The following PLCH1 variants were observed in gnomAD, a reference collection of about 807,000 sequenced individuals.
The protein encoded by PLCH1 is phospholipase C eta 1, also known as 1-phosphatidylinositol 4,5-bisphosphate phosphodiesterase eta-1.
PLCH1 carries 60 observed loss-of-function variants against 126.7 expected under a neutral mutation model. The observed-to-expected ratio is 0.47, with a 90% CI of 0.38 to 0.59. PLCH1 has a LOEUF of 0.59. Among genes scored for constraint, PLCH1 ranks in the 20% least tolerant of loss-of-function variants. The pLI, the probability that PLCH1 is intolerant of heterozygous loss-of-function variation, is 0.00. For synonymous variants in PLCH1, 719 were observed against 734.9 expected (o/e 0.98, Z 0.35); for missense variants, 1,723 against 2,040.0 (o/e 0.84, Z 2.99).
At position 155,568,335 on chromosome 3, in the gene PLCH1, C is replaced by A. The variant is rs367604908; in HGVS notation, c.772-11G>T. On this transcript the variant is annotated splice_polypyrimidine_tract_variant and intron_variant, in intron 6 of 22. Transcript: ENST00000460012. ...TGTCACATTATTCATCTAAGAAAAACAGAATACTAGTAGAGTACCTGCAAT... is the reference window on the plus strand; with the variant it reads ...TGTCACATTATTCATCTAAGAAAAAAAGAATACTAGTAGAGTACCTGCAAT... 267 of 1,155,288 alleles carry A rather than the reference C, an allele frequency of 2.3e-4. No individual in the cohort carries two copies. Among genetic ancestry groups the A allele is most frequent in the Admixed American group, 2.2e-4 (12 of 55,486 alleles). 71.6% of individuals were successfully genotyped at this position (1,155,288 alleles called of 1,614,324 possible).
At chr3:155,519,686 G>A (rs992051787) in intron 11 of PLCH1, among the ~76,000 whole-genome samples, 6 of 150,654 alleles carry the variant, frequency 4.0e-5, no homozygotes, top group African/African-American at 9.8e-5. Flanking sequence ...CAGACACTGC[G>A]GTTTTTGAAA....
At chr3:155,563,316 A>G (rs550079344) in intron 8 of PLCH1, among the ~76,000 whole-genome samples, 1 of 152,344 alleles carries the variant, frequency 6.6e-6, no homozygotes, top group South Asian at 2.1e-4. Flanking sequence ...AATGACTGAT[A>G]AAGATGTCCA....
intron 2 of PLCH1, among the ~76,000 whole-genome samples, chr3:155,624,244 C>G (rs1180675055): frequency 6.6e-6 from 1 of 152,128 alleles, no homozygotes; most frequent in Non-Finnish European, 1.5e-5. Flanking sequence ...ATTGATGGGA[C>G]GTAGCTCAAA....
At chr3:155,565,235 A>G in intron 7 of PLCH1, 117 bp from the exon 8 acceptor site, 1 of 660,880 alleles carries the variant, frequency 1.5e-6, no homozygotes, top group African/African-American at 1.8e-5. Context: ...TACCCTCAGG[A>G]TGGCATTTGT....
intron 6 of PLCH1, among the ~76,000 whole-genome samples, chr3:155,569,178 C>T (rs1407477707): frequency 6.6e-6 from 1 of 152,080 alleles, no homozygotes; most frequent in East Asian, 1.9e-4. Context: ...TTTAATTAAA[C>T]AGCAACATTA....
rs944414076 is a variant in PLCH1, at chr3:155,726,583, T to C, written c.-41+18257A>G. ...ATGACTTCATCAATATGTCAAGTGA[T>C]GCTTTTTATTGATCCTTGAAAATTC... On this transcript the variant is annotated intron_variant, in intron 1 of 22. Coordinates refer to ENST00000460012, the MANE Select transcript of PLCH1 (RefSeq NM_014996.4). Among the ~76,000 whole-genome samples the C allele has an allele frequency of 3.3e-5, 5 of 152,346 alleles. 1 individual carries two copies. In the South Asian group the frequency reaches 8.3e-4, roughly 25 times the overall value.
intron 6 of PLCH1, among the ~76,000 whole-genome samples, chr3:155,575,992 C>T (rs1428470936): frequency 6.6e-6 from 1 of 152,118 alleles, no homozygotes; most frequent in Non-Finnish European, 1.5e-5. Flanking sequence ...TTCCTGCCTT[C>T]TCTTCCTTCT....
At chr3:155,692,459 A>AATGAATGG (rs1553758583) in intron 2 of PLCH1, among the ~76,000 whole-genome samples, 3 of 151,644 alleles carry the variant, frequency 2.0e-5, no homozygotes, top group African/African-American at 7.3e-5. Context: ...TGAATGAATG[A>AATGAATGG]ATGGATGGAT....
chr3:155,465,689 A>G lies in PLCH1; in HGVS notation c.2938+19667T>C, dbSNP rs116194426. ...ACCAAGCAGGTTCTTGGGGTTCCCA[A>G]TTCTAGAACTTGACTCTTAGACAGC... On this transcript the variant is annotated intron_variant, in intron 21 of 21. Transcript: ENST00000494598. 8.8e-3 allele frequency among the ~76,000 whole-genome samples: 1,336 copies of G among 152,010 alleles called. 21 individuals carry two copies. Among genetic ancestry groups the G allele is most frequent in the African/African-American group, 0.031 (1,281 of 41,462 alleles).
chr3:155,678,235 C>T (rs1000048366), intron 2 of PLCH1, among the ~76,000 whole-genome samples: 3 of 152,218 alleles, frequency 2.0e-5, no homozygotes, highest in Non-Finnish European at 4.4e-5. Context: ...GCCCCAGGCT[C>T]CTCCCTGAAA....
intron 6 of PLCH1, among the ~76,000 whole-genome samples, chr3:155,571,493 C>T (rs935603155): frequency 2.0e-5 from 3 of 152,150 alleles, no homozygotes; most frequent in Non-Finnish European, 2.9e-5. Flanking sequence ...CTCTGCTTAC[C>T]GCGTTCAAGC....
At chr3:155,537,332 T>C (rs1330067621) in intron 10 of PLCH1, among the ~76,000 whole-genome samples, 1 of 142,000 alleles carries the variant, frequency 7.0e-6, no homozygotes, top group Non-Finnish European at 1.5e-5. Flanking sequence ...AACAATACAA[T>C]GAAGAAAAAA....
At chr3:155,674,482 T>G (rs1420188278) in intron 2 of PLCH1, among the ~76,000 whole-genome samples, 4 of 152,174 alleles carry the variant, frequency 2.6e-5, no homozygotes, top group Non-Finnish European at 5.9e-5. Flanking sequence ...ATTCAAGATG[T>G]TCCTTTTAAA....
chr3:155,456,335 T>TAAAA (rs10626251), intron 21 of PLCH1, among the ~76,000 whole-genome samples: 3 of 136,066 alleles, frequency 2.2e-5, no homozygotes, highest in African/African-American at 5.4e-5. Context: ...GCTAATGAGC[T>TAAAA]AAAAAAAAAA....
intron 2 of PLCH1, among the ~76,000 whole-genome samples, chr3:155,618,934 C>T (rs1432881025): frequency 1.3e-5 from 2 of 152,160 alleles, no homozygotes; most frequent in Admixed American, 1.3e-4. Flanking sequence ...GCCTGCATAC[C>T]CTGCCCCTGA....
At chr3:155,635,195 T>C (rs769674233) in intron 2 of PLCH1, among the ~76,000 whole-genome samples, 5 of 152,028 alleles carry the variant, frequency 3.3e-5, no homozygotes, top group African/African-American at 7.2e-5. Flanking sequence ...CTCACTCATA[T>C]GACCTCATTC....
chr3:155,484,118 T>G (rs1644078145), intron 22 of PLCH1, among the ~76,000 whole-genome samples: 1 of 152,164 alleles, frequency 6.6e-6, no homozygotes, highest in Non-Finnish European at 1.5e-5. Context: ...GCAACATAAC[T>G]ATGTATTGTT....
intron 20 of PLCH1, 131 bp downstream of exon 20, chr3:155,488,529 T>C: frequency 1.2e-6 from 1 of 854,900 alleles, no homozygotes; most frequent in Non-Finnish European, 1.8e-6. Context: ...ACAAAGTTTG[T>C]TAAAAGTCAC....
intron 2 of PLCH1, among the ~76,000 whole-genome samples, chr3:155,668,270 G>C (rs563714165): frequency 1.2e-3 from 182 of 152,100 alleles, no homozygotes; most frequent in African/African-American, 4.0e-3. Flanking sequence ...ACTTTGCTTT[G>C]TTTCTGTTCT....
Sources: gnomAD v4.1 joint callset for allele counts (sites outside exome capture counted in the v4.1 genomes callset) on GRCh38, gnomAD v4.1.1 for gene constraint, MANE v1.5 for transcripts, NCBI Gene and HGNC (gene_info 2026-07-23, HGNC 2026-07-21) for gene names.